Variants in DOCK3 observed in about 807,000 individuals in gnomAD.
DOCK3 encodes dedicator of cytokinesis protein 3.
A neutral mutation model predicts 265.6 loss-of-function variants in DOCK3; 60 were observed. The ratio of observed to expected loss-of-function variants is 0.23; its 90% CI spans 0.18 to 0.28. The LOEUF is 0.28. Among genes scored for constraint, DOCK3 ranks in the 10% least tolerant of loss-of-function variants. The pLI, the probability that DOCK3 is intolerant of heterozygous loss-of-function variation, is 1.00. For synonymous variants in DOCK3, 881 were observed against 938.0 expected (o/e 0.94, Z 1.11); for missense variants, 1,981 against 2,594.3 (o/e 0.76, Z 5.14).
Position 51,246,779 on chromosome 3 carries a change from G to C in DOCK3, c.2156G>C (p.Arg719Pro), listed in dbSNP as rs370257048. ...WYMDCSAELI[R>P]QDHIQEAMRA... ...ATGGACTGCTCAGCAGAACTGATTC[G>C]ACAGGACCACATTCAAGAAGCTATG... Residue 719 changes from arginine (R) to proline (P), a missense_variant, in exon 22 of 53, where the codon CGA becomes CCA. Around this residue, in one of 4 missense-constraint regions of DOCK3, gnomAD observed 1,357 missense variants for 1,866.8 expected, o/e 0.73. Transcript: ENST00000266037. The C allele has an allele frequency of 2.5e-6, 4 of 1,613,312 alleles. No homozygotes were observed. The highest frequency in any genetic ancestry group is 1.3e-5 in the African/African-American group (1 of 74,908).
chr3:50,926,876 C>G (rs1031407951), intron 4 of DOCK3, among the ~76,000 whole-genome samples: 1 of 152,218 alleles, frequency 6.6e-6, no homozygotes, highest in Non-Finnish European at 1.5e-5. Flanking sequence ...CTCCCTGTTT[C>G]TATCCATGTT....
In DOCK3 at chr3:51,272,228, A is replaced by G. The variant is rs374755332; in HGVS notation, c.2548+1221A>G. Among the ~76,000 whole-genome samples, 194 of 152,256 alleles carry G rather than the reference A, an allele frequency of 1.3e-3. 1 individual carries two copies. Among genetic ancestry groups the G allele is most frequent in the East Asian group, 3.5e-3 (18 of 5,180 alleles). ...CAGAAATAAATCTGAAACACCAGCA[A>G]AACAATTATTAGAATTTTTATAATT... On this transcript the variant is annotated intron_variant, in intron 24 of 52. Transcript: ENST00000266037.
At chr3:50,811,613 A>G (rs1333385442) in intron 2 of DOCK3, among the ~76,000 whole-genome samples, 1 of 152,160 alleles carries the variant, frequency 6.6e-6, no homozygotes, top group Non-Finnish European at 1.5e-5. Context: ...GCATCTTGTG[A>G]AGTTAGATGT....
intron 27 of DOCK3, among the ~76,000 whole-genome samples, chr3:51,308,523 A>G (rs2082836908): frequency 6.6e-6 from 1 of 151,686 alleles, no homozygotes; most frequent in Admixed American, 6.6e-5. Flanking sequence ...TTCAGAGAGC[A>G]CAGGGTTGGG....
At chr3:51,119,582 C>A (rs990121559) in intron 9 of DOCK3, among the ~76,000 whole-genome samples, 1 of 152,154 alleles carries the variant, frequency 6.6e-6, no homozygotes, top group African/African-American at 2.4e-5. Context: ...TTCCATTCTC[C>A]ACATCACCTT....
intron 1 of DOCK3, among the ~76,000 whole-genome samples, chr3:50,707,802 G>A (rs1238124668): frequency 6.6e-6 from 1 of 152,094 alleles, no homozygotes; most frequent in Non-Finnish European, 1.5e-5. Flanking sequence ...GGCAGTGGCA[G>A]TGGTGTGCCA....
chr3:50,765,973 A>C (rs1042205384), intron 1 of DOCK3, among the ~76,000 whole-genome samples: 1 of 151,672 alleles, frequency 6.6e-6, no homozygotes, highest in Admixed American at 6.6e-5. Flanking sequence ...TATTCTCTAC[A>C]TCTGTGGGAT....
Position 50,682,149 on chromosome 3 carries a change from T to C in DOCK3, c.37+6849T>C, listed in dbSNP as rs75091519. Among the ~76,000 whole-genome samples, 1,163 of 152,360 alleles carry C rather than the reference T, an allele frequency of 7.6e-3. 18 individuals carry two copies. Among genetic ancestry groups the C allele is most frequent in the African/African-American group, 0.027 (1,119 of 41,578 alleles). ...ATAATATGGTTTAAGGCCCCAGAGC[T>C]AAGACTAGTTGGAACAGCTAGCATT... On this transcript the variant is annotated intron_variant, in intron 1 of 52. Transcript: ENST00000266037.
At chr3:51,249,501 T>G (rs1253946611) in intron 22 of DOCK3, among the ~76,000 whole-genome samples, 5 of 58,340 alleles carry the variant, frequency 8.6e-5, no homozygotes, top group Admixed American at 1.7e-4. Context: ...GGGAGGGAGG[T>G]GGGGGGGTCA....
intron 2 of DOCK3, among the ~76,000 whole-genome samples, chr3:50,812,430 C>T (rs972047170): frequency 7.2e-5 from 11 of 152,158 alleles, no homozygotes; most frequent in African/African-American, 2.7e-4. Context: ...TGTGTGTGTA[C>T]TCTGGAATAT....
chr3:51,310,367 T>A (rs1251913803), intron 28 of DOCK3, 41 bp downstream of exon 28: 1 of 1,495,252 alleles, frequency 6.7e-7, no homozygotes, highest in Non-Finnish European at 9.2e-7. Context: ...ACTGAGCTGT[T>A]CTCAGACTAA....
At chr3:51,379,121 T>A (rs1306054594) in intron 51 of DOCK3, among the ~76,000 whole-genome samples, 7 of 152,182 alleles carry the variant, frequency 4.6e-5, no homozygotes, top group Admixed American at 2.6e-4. Context: ...TCATCTCTAC[T>A]CTTCTGTCCT....
Position 51,020,331 on chromosome 3 carries a change from C to T in DOCK3, c.316-44117C>T, listed in dbSNP as rs551075341. On this transcript the variant is annotated intron_variant, in intron 5 of 52. Transcript: ENST00000266037. ...TTAGTGGGGTTGTTTGTTTTTTTCTCGTAAGTTTGTTTGAGTTCCTTATAG... is the reference window on the plus strand; with the variant it reads ...TTAGTGGGGTTGTTTGTTTTTTTCTTGTAAGTTTGTTTGAGTTCCTTATAG... Among the ~76,000 whole-genome samples the T allele has an allele frequency of 9.3e-3, 1,404 of 151,306 alleles. 14 individuals carry two copies. Among genetic ancestry groups the T allele is most frequent in the Admixed American group, 0.015 (221 of 15,218 alleles).
In DOCK3 at chr3:50,957,055, G is replaced by A. The variant is rs184306345; in HGVS notation, c.315+22978G>A. Among the ~76,000 whole-genome samples, 427 of 152,154 alleles carry A rather than the reference G, an allele frequency of 2.8e-3. 2 individuals carry two copies. The highest frequency in any genetic ancestry group is 2.5e-3 in the Non-Finnish European group (170 of 68,006). On this transcript the variant is annotated intron_variant, in intron 5 of 52. Transcript: ENST00000266037. ...GCTGGGATTACAGGCGTGAGCCACC[G>A]TGCCCAGCCCCAGAGTATTTTATAT...
At chr3:51,325,120 A>T (rs2084009037) in intron 32 of DOCK3, among the ~76,000 whole-genome samples, 1 of 152,206 alleles carries the variant, frequency 6.6e-6, no homozygotes, top group South Asian at 2.1e-4. Context: ...CTATCATCAG[A>T]GTGAACAGAC....
At chr3:51,308,089 C>T (rs541593192) in intron 27 of DOCK3, among the ~76,000 whole-genome samples, 13 of 151,992 alleles carry the variant, frequency 8.6e-5, no homozygotes, top group East Asian at 1.9e-4. Context: ...CTAATGGCTG[C>T]TAGGCTCTGG....
chr3:50,781,267 C>CT (rs34844040), intron 2 of DOCK3, among the ~76,000 whole-genome samples: 85,798 of 120,434 alleles, frequency 0.71, 31,429 homozygotes, highest in South Asian at 0.83. Context: ...TATAGTAGTT[C>CT]TTTTTTTTTT....
rs2109107781 is a variant in DOCK3, at chr3:51,050,179, T to C, written c.316-14269T>C. 2.0e-5 allele frequency among the ~76,000 whole-genome samples: 3 copies of C among 151,954 alleles called. 1 individual carries two copies. The Middle Eastern group carries it at 0.01, about 517-fold the overall frequency. ...TGGGAGGATTGCTTGAGGCCAGGAG[T>C]TTGAGACCAGCCTGGGAAACACAGC... On this transcript the variant is annotated intron_variant, in intron 5 of 52. Coordinates refer to ENST00000266037, the MANE Select transcript of DOCK3 (RefSeq NM_004947.5).
At chr3:50,677,062 A>G (rs906872293) in intron 1 of DOCK3, among the ~76,000 whole-genome samples, 1 of 152,194 alleles carries the variant, frequency 6.6e-6, no homozygotes, top group Non-Finnish European at 1.5e-5. Context: ...AAATTCTTGC[A>G]TTCCTAGGAT....
Sources: allele counts gnomAD v4.1 joint callset (sites outside exome capture counted in the v4.1 genomes callset), GRCh38; gene constraint gnomAD v4.1.1; regional missense constraint gnomAD v4.1.1; transcripts MANE v1.5; gene names NCBI Gene and HGNC (gene_info 2026-07-23, HGNC 2026-07-21).